The following BCAT1 variants were observed in gnomAD, a reference collection of about 807,000 sequenced individuals.
The protein encoded by BCAT1 is branched chain amino acid transaminase 1.
Under a neutral mutation model 52.4 loss-of-function variants are expected in BCAT1, and 48 were observed. That is an observed-to-expected ratio of 0.92 (90% CI 0.73 to 1.16). The LOEUF is 1.16. Among genes scored for constraint, BCAT1 ranks in the 50% most tolerant of loss-of-function variants. The pLI is 0.00. For synonymous variants in BCAT1, 167 were observed against 161.3 expected, an observed-to-expected ratio of 1.04 and a Z score of -0.27; for missense variants, 451 against 457.1, an observed-to-expected ratio of 0.99 and a Z score of 0.12.
chr12:24,899,020 A>C (rs1943026709), intron 2 of BCAT1, among the ~76,000 whole-genome samples: 1 of 152,238 alleles, frequency 6.6e-6, no homozygotes, highest in African/African-American at 2.4e-5. Context: ...TCTAATAAAG[A>C]GGATCATGAA....
intron 1 of BCAT1, among the ~76,000 whole-genome samples, chr12:24,909,293 C>T (rs1447470277): frequency 6.6e-6 from 1 of 152,104 alleles, no homozygotes; most frequent in African/African-American, 2.4e-5. Context: ...TAATTCCTAC[C>T]TGCCAAACCC....
chr12:24,887,080 A>AAAAAAAAAAATATATAT (rs1245203518), intron 3 of BCAT1, among the ~76,000 whole-genome samples: 13 of 40,724 alleles, frequency 3.2e-4, no homozygotes, highest in Non-Finnish European at 5.8e-4. Context: ...AAAAAAAAAA[A>AAAAAAAAAAATATATAT]ATATATATAT....
At chr12:24,823,465 A>C (rs1279138255) in intron 10 of BCAT1, among the ~76,000 whole-genome samples, 1 of 152,130 alleles carries the variant, frequency 6.6e-6, no homozygotes, top group African/African-American at 2.4e-5. Context: ...TATACACATT[A>C]AAGAGTTAAA....
intron 7 of BCAT1, among the ~76,000 whole-genome samples, chr12:24,839,023 T>C (rs1376691768): frequency 6.6e-6 from 1 of 152,198 alleles, no homozygotes; most frequent in African/African-American, 2.4e-5. Context: ...TTGAGTGCTG[T>C]TTACCGTTTT....
chr12:24,838,491 CTATT>C (rs1247106911), intron 7 of BCAT1, among the ~76,000 whole-genome samples: 1 of 136,892 alleles, frequency 7.3e-6, no homozygotes, highest in African/African-American at 2.7e-5. Flanking sequence ...ATGTATGGAT[CTATT>C]TGTGTGTGTA....
At chr12:24,901,712 C>A in intron 2 of BCAT1, 102 bp downstream of exon 2, 2 of 1,233,278 alleles carry the variant, frequency 1.6e-6, no homozygotes, top group South Asian at 1.4e-5. Context: ...AACCTAGGAA[C>A]TGGGTAACCC....
In BCAT1 at chr12:24,949,041, T is replaced by C; in HGVS notation, c.-109A>G. ...TGCGGCTGCAGAGCGCGGTCCCGGC[T>C]GCAGCAAGACCTGGGGCAGTGCCCG... On this transcript the variant is annotated 5_prime_UTR_variant, in exon 1 of 11. Transcript: ENST00000261192. 8.2e-7 allele frequency: 1 copy of C among 1,218,606 alleles called. No individual in the cohort carries two copies. Among genetic ancestry groups the C allele is most frequent in the Non-Finnish European group, 1.2e-6 (1 of 853,098 alleles). The allele number at this position is 1,218,606 out of a possible 1,614,324, so 75.5% of individuals were successfully genotyped here.
At chr12:24,898,414 T>C (rs929584728) in intron 2 of BCAT1, among the ~76,000 whole-genome samples, 5 of 151,290 alleles carry the variant, frequency 3.3e-5, no homozygotes, top group African/African-American at 1.2e-4. Flanking sequence ...TAATTCAAAG[T>C]TTGCAGTTGG....
At chr12:24,824,268 T>C (rs1940283880) in intron 10 of BCAT1, among the ~76,000 whole-genome samples, 1 of 144,522 alleles carries the variant, frequency 6.9e-6, no homozygotes, top group Non-Finnish European at 1.5e-5. Context: ...CCTTCCTTCA[T>C]TCCCTCCCTC....
intron 1 of BCAT1, among the ~76,000 whole-genome samples, chr12:24,919,604 A>G (rs1242822271): frequency 6.6e-6 from 1 of 152,254 alleles, no homozygotes; most frequent in African/African-American, 2.4e-5. Context: ...TATCAAGCTT[A>G]TAGGTAGACC....
chr12:24,920,627 C>T (rs558765575), intron 1 of BCAT1, among the ~76,000 whole-genome samples: 1 of 152,282 alleles, frequency 6.6e-6, no homozygotes, highest in African/African-American at 2.4e-5. Flanking sequence ...CAGCAGGAAG[C>T]AAGCAATCAG....
At chr12:24,854,151 G>C (rs1432873548) in intron 5 of BCAT1, among the ~76,000 whole-genome samples, 1 of 152,220 alleles carries the variant, frequency 6.6e-6, no homozygotes, top group African/African-American at 2.4e-5. Flanking sequence ...ACTTTCCTCT[G>C]ATCAGTCAGA....
intron 3 of BCAT1, among the ~76,000 whole-genome samples, chr12:24,892,637 G>A (rs1346426895): frequency 6.6e-6 from 1 of 152,164 alleles, no homozygotes; most frequent in Non-Finnish European, 1.5e-5. Flanking sequence ...AGGATTGCTT[G>A]AGCCCAGGAG....
intron 1 of BCAT1, among the ~76,000 whole-genome samples, chr12:24,906,208 A>G (rs12319952): frequency 7.4e-4 from 112 of 151,988 alleles, no homozygotes; most frequent in African/African-American, 2.5e-3. Flanking sequence ...AAAAAGAAAA[A>G]TAGATGATAT....
chr12:24,833,994 T>C, intron 8 of BCAT1: 1 of 246,534 alleles, frequency 4.1e-6, no homozygotes, highest in Non-Finnish European at 6.5e-6. Context: ...CTAGGTTTTA[T>C]ATTTTATATT....
Position 24,811,440 on chromosome 12 carries a change from A to G in BCAT1, c.*6568T>C, listed in dbSNP as rs1358620281. On this transcript the variant is annotated 3_prime_UTR_variant, in exon 11 of 11. Coordinates refer to ENST00000261192, the MANE Select transcript of BCAT1 (RefSeq NM_005504.7). ...ATGAGGAATCTGCAAATAATAAAGA[A>G]TGTGTCTATTGCCAGCAAAATACAA... 2 of 152,174 alleles carry G rather than the reference A, an allele frequency of 1.3e-5. No individual in the cohort carries two copies. The highest frequency in any genetic ancestry group is 2.9e-5 in the Non-Finnish European group (2 of 68,008). The allele number at this position is 152,174 out of a possible 1,614,324, so 9.4% of individuals were successfully genotyped here. A position where few individuals can be genotyped will look rare whatever the true frequency, so the allele number is the denominator to read the frequency against.
intron 3 of BCAT1, among the ~76,000 whole-genome samples, chr12:24,882,755 C>A (rs974987575): frequency 6.6e-6 from 1 of 151,920 alleles, no homozygotes; most frequent in Middle Eastern, 3.4e-3. Flanking sequence ...CGCACCACCA[C>A]GCCCAAGTTA....
At chr12:24,843,199 CTACAT>C (rs10546505) in intron 6 of BCAT1, among the ~76,000 whole-genome samples, 152,137 of 152,158 alleles carry the variant, frequency 1, 76,058 homozygotes, top group Middle Eastern at 1. Context: ...TGTAAAACTC[CTACAT>C]TACATTACAT....
At chr12:24,944,621 G>C (rs537169928) in intron 1 of BCAT1, among the ~76,000 whole-genome samples, 1 of 152,258 alleles carries the variant, frequency 6.6e-6, no homozygotes, top group Non-Finnish European at 1.5e-5. Context: ...AGTCAAAACA[G>C]CAAAAACAGT....
Sources: allele counts gnomAD v4.1 joint callset (sites outside exome capture counted in the v4.1 genomes callset), GRCh38; gene constraint gnomAD v4.1.1; transcripts MANE v1.5; gene names NCBI Gene and HGNC (gene_info 2026-07-23, HGNC 2026-07-21).